The following NPAS3 variants were observed in gnomAD, a reference collection of about 807,000 sequenced individuals.
NPAS3 encodes the protein neuronal PAS domain protein 3, also known as neuronal PAS domain-containing protein 3.
Under a neutral mutation model 73.1 loss-of-function variants are expected in NPAS3, and 14 were observed. That is an observed-to-expected ratio of 0.19 (90% confidence interval 0.13 to 0.30). NPAS3 has a LOEUF of 0.30. Ranked by LOEUF, NPAS3 falls within the 10% of genes least tolerant of loss-of-function variation. The pLI is 1.00. For missense variants in NPAS3, 1,096 were observed against 1,250.0 expected (o/e 0.88, Z 1.86); for synonymous variants, 620 against 541.5 (o/e 1.14, Z -2.01).
At chr14:32,964,134 C>T (rs368268350) in intron 1 of NPAS3, among the ~76,000 whole-genome samples, 10 of 127,282 alleles carry the variant, frequency 7.9e-5, no homozygotes, top group East Asian at 4.8e-4. Flanking sequence ...GTTTCTTCAG[C>T]GCTTTTGTTC....
At chr14:33,308,021 C>G (rs868102439) in intron 3 of NPAS3, among the ~76,000 whole-genome samples, 2 of 152,116 alleles carry the variant, frequency 1.3e-5, no homozygotes, top group Non-Finnish European at 2.9e-5. Context: ...CTATCCTGTA[C>G]GCAATCACAT....
At chr14:33,147,277 T>C (rs1305553431) in intron 2 of NPAS3, among the ~76,000 whole-genome samples, 1 of 152,098 alleles carries the variant, frequency 6.6e-6, no homozygotes, top group African/African-American at 2.4e-5. Context: ...AAGTTAAGGC[T>C]TTTCTTTCTC....
intron 5 of NPAS3, among the ~76,000 whole-genome samples, chr14:33,564,255 G>T (rs2055809932): frequency 6.6e-6 from 1 of 152,092 alleles, no homozygotes; most frequent in African/African-American, 2.4e-5. Flanking sequence ...AAAGCAAAAA[G>T]GGAAATCCAG....
chr14:32,999,679 T>C (rs1241406118), intron 1 of NPAS3, among the ~76,000 whole-genome samples: 1 of 152,178 alleles, frequency 6.6e-6, no homozygotes, highest in Admixed American at 6.5e-5. Flanking sequence ...AACATAAGCT[T>C]CTTACCTTTA....
chr14:33,614,975 A>G (rs978904882), intron 5 of NPAS3, among the ~76,000 whole-genome samples: 2 of 152,176 alleles, frequency 1.3e-5, no homozygotes, highest in Non-Finnish European at 2.9e-5. Context: ...ATGGATGTGC[A>G]AAGATGAATT....
chr14:33,490,066 T>C (rs570200756), intron 4 of NPAS3, among the ~76,000 whole-genome samples: 1 of 152,278 alleles, frequency 6.6e-6, no homozygotes, highest in African/African-American at 2.4e-5. Flanking sequence ...TGAAGTAGGA[T>C]CTTTTTATCA....
intron 2 of NPAS3, among the ~76,000 whole-genome samples, chr14:33,128,679 G>A (rs571932988): frequency 1.6e-4 from 25 of 152,246 alleles, no homozygotes; most frequent in Middle Eastern, 3.4e-3. Context: ...CAGCTAAATG[G>A]TGCCGAGCCA....
intron 5 of NPAS3, among the ~76,000 whole-genome samples, chr14:33,585,507 A>G (rs1387409276): frequency 6.6e-6 from 1 of 152,150 alleles, no homozygotes; most frequent in African/African-American, 2.4e-5. Flanking sequence ...AAACTAAGTA[A>G]CATCTCAAGG....
At chr14:33,696,690 G>A (rs1436924918) in intron 6 of NPAS3, among the ~76,000 whole-genome samples, 1 of 152,154 alleles carries the variant, frequency 6.6e-6, no homozygotes, top group African/African-American at 2.4e-5. Context: ...AAATCTCTAT[G>A]TAATTTAGTT....
chr14:33,145,047 G>A (rs1489212348), intron 2 of NPAS3, among the ~76,000 whole-genome samples: 1 of 152,118 alleles, frequency 6.6e-6, no homozygotes, highest in East Asian at 1.9e-4. Flanking sequence ...TGAAAATTTT[G>A]TTCCTCTTTC....
intron 4 of NPAS3, among the ~76,000 whole-genome samples, chr14:33,441,185 A>C (rs1183771482): frequency 6.6e-6 from 1 of 152,206 alleles, no homozygotes; most frequent in Non-Finnish European, 1.5e-5. Flanking sequence ...TAACACTGTT[A>C]ATTTCTTATG....
At chr14:33,430,073 G>A (rs557023496) in intron 4 of NPAS3, among the ~76,000 whole-genome samples, 26 of 152,166 alleles carry the variant, frequency 1.7e-4, no homozygotes, top group Admixed American at 1.2e-3. Flanking sequence ...AAATCAAAGC[G>A]TAATCTGGCT....
At chr14:33,056,111 GAAA>G (rs35719018) in intron 2 of NPAS3, 117 bp downstream of exon 2, 5 of 453,806 alleles carry the variant, frequency 1.1e-5, no homozygotes, top group South Asian at 4.9e-5. Context: ...TAGTGGGGGA[GAAA>G]AAAAAACAAA....
At chr14:33,663,992 TC>T (rs751059350) in intron 5 of NPAS3, among the ~76,000 whole-genome samples, 8 of 150,770 alleles carry the variant, frequency 5.3e-5, no homozygotes, top group African/African-American at 9.8e-5. Context: ...AAAAAACAGC[TC>T]CTGGATTCAT....
At position 33,667,956 on chromosome 14, in the gene NPAS3, G is replaced by T. The variant is rs536140860; in HGVS notation, c.559-8255G>T. ...TGGGGTACATGTACAGGATGTGCAG[G>T]TTACGTAGGTAAACGTGTGCCATGG... On this transcript the variant is annotated intron_variant, in intron 5 of 11. Transcript: ENST00000356141. Among the ~76,000 whole-genome samples the T allele has an allele frequency of 4.8e-4, 73 of 152,114 alleles. 1 individual carries two copies. The highest frequency in any genetic ancestry group is 9.0e-4 in the Non-Finnish European group (61 of 68,004).
intron 7 of NPAS3, among the ~76,000 whole-genome samples, chr14:33,768,008 G>A (rs951493757): frequency 6.6e-5 from 10 of 152,212 alleles, no homozygotes; most frequent in South Asian, 2.1e-4. Context: ...TAAACTCTGC[G>A]GACATGCATC....
chr14:33,273,894 TG>T (rs1431057102), intron 3 of NPAS3, among the ~76,000 whole-genome samples: 1 of 152,224 alleles, frequency 6.6e-6, no homozygotes, highest in African/African-American at 2.4e-5. Context: ...CTCCCAAATC[TG>T]GTTGACTATA....
intron 2 of NPAS3, among the ~76,000 whole-genome samples, chr14:33,069,809 C>T (rs1216449680): frequency 6.6e-6 from 1 of 152,102 alleles, no homozygotes; most frequent in African/African-American, 2.4e-5. Flanking sequence ...ACTTTTCACC[C>T]CTGTAACTAC....
At chr14:33,149,955 C>T (rs2044385675) in intron 2 of NPAS3, among the ~76,000 whole-genome samples, 1 of 152,138 alleles carries the variant, frequency 6.6e-6, no homozygotes, top group South Asian at 2.1e-4. Flanking sequence ...CCCTGACAGG[C>T]CCCAGTGTGT....
Sources: gnomAD v4.1 joint callset for allele counts (sites outside exome capture counted in the v4.1 genomes callset) on GRCh38, gnomAD v4.1.1 for gene constraint, MANE v1.5 for transcripts, NCBI Gene and HGNC (gene_info 2026-07-23, HGNC 2026-07-21) for gene names.